Variants in PCSK5 observed in about 807,000 individuals in gnomAD.
PCSK5 encodes the protein prohormone convertase 5.
In PCSK5, 129 loss-of-function variants were observed where a neutral mutation model predicts 233.2. The ratio of observed to expected loss-of-function variants is 0.55; its 90% confidence interval spans 0.48 to 0.64. PCSK5 has a LOEUF of 0.64. Ranked by LOEUF, PCSK5 falls within the 30% of genes least tolerant of loss-of-function variation. PCSK5 has a pLI of 0.00. For missense variants in PCSK5, 2,076 were observed against 2,430.1 expected, an observed-to-expected ratio of 0.85 and a Z score of 3.06; for synonymous variants, 825 against 879.2, an observed-to-expected ratio of 0.94 and a Z score of 1.09.
chr9:76,126,400 G>C (rs1424319255), intron 9 of PCSK5, among the ~76,000 whole-genome samples: 1 of 152,138 alleles, frequency 6.6e-6, no homozygotes, highest in African/African-American at 2.4e-5. Context: ...GATCACCTGA[G>C]GTCAGGAGTT....
chr9:76,314,751 C>G (rs1300070024), intron 30 of PCSK5, among the ~76,000 whole-genome samples: 1 of 152,110 alleles, frequency 6.6e-6, no homozygotes. Context: ...ATCATCCTGC[C>G]TCAGCCTCCC....
At chr9:76,322,638 A>G (rs1360952391) in intron 31 of PCSK5, among the ~76,000 whole-genome samples, 1 of 152,242 alleles carries the variant, frequency 6.6e-6, no homozygotes, top group Non-Finnish European at 1.5e-5. Context: ...AATGAATGAA[A>G]AGTTAACTAA....
chr9:76,216,897 A>G lies in PCSK5; in HGVS notation c.2627-10606A>G, dbSNP rs187144001. Among the ~76,000 whole-genome samples the G allele has an allele frequency of 5.4e-3, 819 of 152,176 alleles. 3 individuals carry two copies. The highest frequency in any genetic ancestry group is 7.0e-3 in the Non-Finnish European group (475 of 67,994). On this transcript the variant is annotated intron_variant, in intron 20 of 37. Transcript: ENST00000674117. ...TCGCTGTCACCCAGGCTGGAGTGCA[A>G]TGGTGCAATTTTGGCTCACTGCAAC...
intron 24 of PCSK5, among the ~76,000 whole-genome samples, chr9:76,254,659 A>AG (rs1293500283): frequency 6.6e-6 from 1 of 152,184 alleles, no homozygotes; most frequent in Non-Finnish European, 1.5e-5. Context: ...GACAATAGCA[A>AG]GTGCTGCTGT....
intron 20 of PCSK5, among the ~76,000 whole-genome samples, chr9:76,192,978 C>T (rs967347822): frequency 9.7e-6 from 1 of 102,948 alleles, no homozygotes; most frequent in African/African-American, 3.8e-5. Context: ...TATTCTTTTT[C>T]TAATCTTTTT....
At chr9:76,166,094 C>T (rs957420897) in intron 12 of PCSK5, among the ~76,000 whole-genome samples, 7 of 152,042 alleles carry the variant, frequency 4.6e-5, no homozygotes, top group Non-Finnish European at 8.8e-5. Context: ...TTATAAAGGA[C>T]GGAATGAAAC....
chr9:76,256,184 GA>G (rs1826975517), intron 24 of PCSK5, among the ~76,000 whole-genome samples: 1 of 152,228 alleles, frequency 6.6e-6, no homozygotes, highest in African/African-American at 2.4e-5. Flanking sequence ...TTATGGGGGA[GA>G]AGAACATAGT....
At chr9:75,962,546 T>C (rs1366292645) in intron 2 of PCSK5, among the ~76,000 whole-genome samples, 1 of 152,092 alleles carries the variant, frequency 6.6e-6, no homozygotes, top group Non-Finnish European at 1.5e-5. Context: ...GGAGAACAGA[T>C]AGTAGGTTTT....
intron 2 of PCSK5, among the ~76,000 whole-genome samples, chr9:75,973,224 A>T (rs56764648): frequency 0.17 from 25,575 of 152,176 alleles, 2,356 homozygotes; most frequent in African/African-American, 0.19. Flanking sequence ...TTCTCTACCC[A>T]TTGGAAGTCA....
At chr9:76,291,639 G>A (rs1432406130) in intron 24 of PCSK5, among the ~76,000 whole-genome samples, 1 of 152,188 alleles carries the variant, frequency 6.6e-6, no homozygotes, top group Non-Finnish European at 1.5e-5. Flanking sequence ...TCCCCTGAAA[G>A]CTGCAGGAAA....
rs773525117 is a variant in PCSK5, at chr9:76,233,507, T to A, written c.2777T>A (p.Phe926Tyr). ...GTTTCGAACTGCCCCTCATGGAAAT[T>A]TGAATTTGAGAACCAATGCCATCCA... ...RCVSNCPSWK[F>Y]EFENQCHPCH... The change falls in exon 22 of 38, where the codon TTT becomes TAT. Residue 926 changes from phenylalanine (F) to tyrosine (Y), a missense_variant. Around this residue, in one of 6 missense-constraint regions of PCSK5, gnomAD observed 1,510 missense variants for 1,538.1 expected, o/e 0.98. Coordinates refer to ENST00000674117, the MANE Select transcript of PCSK5 (RefSeq NM_001372043.1). The A allele has an allele frequency of 1.9e-6, 3 of 1,612,590 alleles. No homozygotes were observed. The highest frequency in any genetic ancestry group is 2.5e-6 in the Non-Finnish European group (3 of 1,179,834).
rs755839109 is a variant in PCSK5, at chr9:75,891,245, C to T, written c.64C>T (p.Leu22Phe). The T allele has an allele frequency of 1.3e-6, 2 of 1,526,142 alleles. No homozygotes were observed. The highest frequency in any genetic ancestry group is 2.5e-5 in the Admixed American group (1 of 40,258). 94.5% of individuals were successfully genotyped at this position (1,526,142 alleles called of 1,614,324 possible). ...GGACCTGCTGTGCGTGCTGGCGCTG[C>T]TCGGGGGCTGCCTGCTCCCCGTGTG... Reference protein sequence around the residue: ...RLDLLCVLALLGGCLLPVCRT... With the variant: ...RLDLLCVLALFGGCLLPVCRT... Residue 22 changes from leucine to phenylalanine, a missense_variant, in exon 1 of 38, where the codon CTC becomes TTC. Physicochemically the swap from Leu to Phe is conservative, Grantham distance 22. Around this residue, in one of 6 missense-constraint regions of PCSK5, gnomAD observed 190 missense variants for 216.3 expected, o/e 0.88. Transcript: ENST00000674117.
chr9:76,043,170 C>T (rs540646647), intron 5 of PCSK5, among the ~76,000 whole-genome samples: 45 of 91,748 alleles, frequency 4.9e-4, no homozygotes, highest in Admixed American at 1.1e-3. Flanking sequence ...CACGGTGAAA[C>T]CCCGTCTCTA....
At chr9:76,217,363 G>GGACC (rs1825574708) in intron 20 of PCSK5, among the ~76,000 whole-genome samples, 2 of 152,178 alleles carry the variant, frequency 1.3e-5, no homozygotes, top group South Asian at 4.1e-4. Flanking sequence ...CTTATCTGAG[G>GGACC]GACCCAGTTT....
chr9:76,301,844 G>GAA (rs11451258), intron 27 of PCSK5, among the ~76,000 whole-genome samples: 7,938 of 149,636 alleles, frequency 0.053, 214 homozygotes, highest in African/African-American at 0.075. Flanking sequence ...ACTCCTCGTG[G>GAA]AAAAAAAAAA....
At chr9:76,001,925 G>T (rs1587482520) in intron 3 of PCSK5, among the ~76,000 whole-genome samples, 1 of 152,188 alleles carries the variant, frequency 6.6e-6, no homozygotes, top group Non-Finnish European at 1.5e-5. Context: ...ACACTAATGA[G>T]CATTAAATTC....
rs1416640931 is a variant in PCSK5, at chr9:76,093,105, T to TTC, written c.895-2785_895-2784insTC. Among the ~76,000 whole-genome samples the TTC allele has an allele frequency of 2.5e-5, 3 of 122,126 alleles. No homozygotes were observed. The East Asian group carries it at 7.9e-4, about 32-fold the overall frequency. The allele number at this position is 122,126 out of a possible 152,430, so 80.1% of individuals were successfully genotyped here. A position where few individuals can be genotyped will look rare whatever the true frequency, so the allele number is the denominator to read the frequency against. On this transcript the variant is annotated intron_variant, in intron 7 of 37. Transcript: ENST00000674117. ...CTTTTTTTTTTTTTTTTTTTTTTTT[T>TTC]CCAGATACAGGGTCTTGCTTGCTGT...
chr9:76,112,668 G>A (rs1030192791), intron 9 of PCSK5, among the ~76,000 whole-genome samples: 1 of 151,894 alleles, frequency 6.6e-6, no homozygotes, highest in Non-Finnish European at 1.5e-5. Flanking sequence ...AAAAATTAAA[G>A]CATCATACTA....
At chr9:76,278,676 T>C (rs1587829080) in intron 24 of PCSK5, among the ~76,000 whole-genome samples, 1 of 147,842 alleles carries the variant, frequency 6.8e-6, no homozygotes, top group East Asian at 1.9e-4. Context: ...TAAAGCCATC[T>C]CTATCTGTCT....
Sources: allele counts gnomAD v4.1 joint callset (sites outside exome capture counted in the v4.1 genomes callset), GRCh38; gene constraint gnomAD v4.1.1; regional missense constraint gnomAD v4.1.1; transcripts MANE v1.5; gene names NCBI Gene and HGNC (gene_info 2026-07-23, HGNC 2026-07-21).